Variants in FRY observed in about 807,000 individuals in gnomAD.
FRY encodes the protein FRY microtubule binding protein.
FRY carries 128 observed loss-of-function variants against 348.4 expected under a neutral mutation model. The ratio of observed to expected loss-of-function variants is 0.37; its 90% CI spans 0.32 to 0.43. FRY has a LOEUF of 0.43. Among genes scored for constraint, FRY ranks in the 20% least tolerant of loss-of-function variants. The pLI is 1.00. For synonymous variants in FRY, 1,370 were observed against 1,374.7 expected, an observed-to-expected ratio of 1.00 and a Z score of 0.08; for missense variants, 2,736 against 3,695.2, an observed-to-expected ratio of 0.74 and a Z score of 6.73.
chr13:32,112,246 CT>C (rs549832624), intron 3 of FRY, among the ~76,000 whole-genome samples: 54 of 147,204 alleles, frequency 3.7e-4, no homozygotes, highest in African/African-American at 7.0e-4. Context: ...CATTTTTTGT[CT>C]TTTTTTTTTA....
chr13:32,056,187 C>CT (rs1290769703), intron 1 of FRY, among the ~76,000 whole-genome samples: 2 of 64,852 alleles, frequency 3.1e-5, no homozygotes, highest in African/African-American at 6.8e-5. Context: ...GAGACTCCAT[C>CT]TAAAAAAAAA....
intron 1 of FRY, among the ~76,000 whole-genome samples, chr13:32,065,314 A>AT (rs1046574918): frequency 6.6e-6 from 1 of 151,482 alleles, no homozygotes; most frequent in Non-Finnish European, 1.5e-5. Flanking sequence ...TTAAAAAAAA[A>AT]TTTTTTTTTG....
At chr13:32,063,495 TCA>T (rs1874066466) in intron 1 of FRY, among the ~76,000 whole-genome samples, 1 of 152,170 alleles carries the variant, frequency 6.6e-6, no homozygotes, top group African/African-American at 2.4e-5. Flanking sequence ...GACCCAGAAC[TCA>T]CACACATACA....
At chr13:32,259,814 T>C (rs1366283658) in intron 51 of FRY, among the ~76,000 whole-genome samples, 1 of 152,178 alleles carries the variant, frequency 6.6e-6, no homozygotes, top group Non-Finnish European at 1.5e-5. Context: ...GCTGTGGCTA[T>C]TTTTAAAATC....
intron 1 of FRY, among the ~76,000 whole-genome samples, chr13:32,044,322 C>T (rs1355671946): frequency 1.3e-5 from 2 of 152,250 alleles, no homozygotes; most frequent in Middle Eastern, 3.4e-3. Flanking sequence ...TTTGAAAGGG[C>T]TTTATCACTG....
rs868211301 is a variant in FRY at position 32,097,969 on chromosome 13, A to T, written c.271-3994A>T. On this transcript the variant is annotated intron_variant, in intron 2 of 60. Coordinates refer to ENST00000542859, the MANE Select transcript of FRY (RefSeq NM_023037.3). ...TTTAAAAAAATTTAAAACTTAAAAC[A>T]AGACATATACACAGAAAATAAAGGG... 7.7e-5 allele frequency among the ~76,000 whole-genome samples: 8 copies of T among 103,780 alleles called. No homozygotes were observed. The South Asian group carries it at 1.9e-3, about 24-fold the overall frequency. The allele number at this position is 103,780 out of a possible 152,430, so 68.1% of individuals were successfully genotyped here. A position where few individuals can be genotyped will look rare whatever the true frequency, so the allele number is the denominator to read the frequency against.
At chr13:32,163,207 A>G (rs1430852216) in intron 17 of FRY, among the ~76,000 whole-genome samples, 1 of 152,242 alleles carries the variant, frequency 6.6e-6, no homozygotes, top group Non-Finnish European at 1.5e-5. Context: ...ATTTCCCCAG[A>G]GCACAGGTGG....
At chr13:32,072,507 T>G (rs766313248) in intron 1 of FRY, among the ~76,000 whole-genome samples, 1 of 152,204 alleles carries the variant, frequency 6.6e-6, no homozygotes, top group Non-Finnish European at 1.5e-5. Flanking sequence ...TGTTTGGTTG[T>G]TTCTTTTTCT....
Position 32,131,736 on chromosome 13 carries a change from C to G in FRY, c.781C>G (p.Pro261Ala). ...AGAATTACGGCACAAAGAGCAGAAC[C>G]CATATGTGGTTCAAAGCATTATCAG... is the stretch of plus-strand genomic sequence containing the variant. Reference protein sequence around the residue: ...LKELRHKEQNPYVVQSIISLI... With the variant: ...LKELRHKEQNAYVVQSIISLI... Residue 261 changes from proline to alanine, a missense_variant, in exon 8 of 61, where the codon CCA becomes GCA. Pro to Ala is a conservative substitution (Grantham distance 27, BLOSUM62 -1). Coordinates refer to ENST00000542859, the MANE Select transcript of FRY (RefSeq NM_023037.3). 1 of 1,613,490 alleles carries G rather than the reference C, an allele frequency of 6.2e-7. No individual in the cohort carries two copies. The highest frequency in any genetic ancestry group is 8.5e-7 in the Non-Finnish European group (1 of 1,179,442).
chr13:32,179,749 C>T lies in FRY; in HGVS notation c.2946C>T (p.Ile982=), dbSNP rs777873236. The T allele has an allele frequency of 1.1e-5, 18 of 1,613,362 alleles. No homozygotes were observed. The highest frequency in any genetic ancestry group is 1.4e-5 in the Non-Finnish European group (16 of 1,179,306). ...TGATGAGACTAGAGAGCATTGAGATCACAGAGTCCTTAGTTTTAGGATTTG... is the reference window on the plus strand; with the variant it reads ...TGATGAGACTAGAGAGCATTGAGATTACAGAGTCCTTAGTTTTAGGATTTG... ...VPLMRLESIE[I]TESLVLGFGR... is the part of the protein sequence containing the mutation. Residue 982 remains isoleucine, a synonymous_variant, in exon 23 of 61, where the codon ATC becomes ATT. Transcript: ENST00000542859.
intron 23 of FRY, among the ~76,000 whole-genome samples, chr13:32,180,334 A>C (rs776854250): frequency 4.6e-5 from 7 of 151,872 alleles, no homozygotes; most frequent in African/African-American, 9.7e-5. Flanking sequence ...TCCTGGATTC[A>C]AGCGATTCTC....
intron 54 of FRY, among the ~76,000 whole-genome samples, chr13:32,266,193 T>C (rs1887918658): frequency 6.6e-6 from 1 of 152,246 alleles, no homozygotes; most frequent in Non-Finnish European, 1.5e-5. Flanking sequence ...AAAATTACTC[T>C]TCTGAAAGTT....
chr13:32,275,052 C>T (rs964219986), intron 56 of FRY, 61 bp downstream of exon 56: 1 of 1,439,974 alleles, frequency 6.9e-7, no homozygotes, highest in Non-Finnish European at 9.8e-7. Flanking sequence ...TGCAGAACTT[C>T]AGGGTAGCAT....
At chr13:32,094,412 TCGCTATCATCA>T (rs1876548935) in intron 2 of FRY, among the ~76,000 whole-genome samples, 1 of 152,182 alleles carries the variant, frequency 6.6e-6, no homozygotes, top group Non-Finnish European at 1.5e-5. Flanking sequence ...AAATTATTAT[TCGCTATCATCA>T]CCCTGTTGTG....
intron 29 of FRY, among the ~76,000 whole-genome samples, chr13:32,198,626 T>A (rs1883827940): frequency 6.6e-6 from 1 of 152,156 alleles, no homozygotes; most frequent in Admixed American, 6.5e-5. Flanking sequence ...TTGTGAAGAT[T>A]AAATAACAAA....
chr13:32,169,643 C>T (rs1189880507), intron 17 of FRY, among the ~76,000 whole-genome samples: 3 of 152,222 alleles, frequency 2.0e-5, no homozygotes, highest in South Asian at 4.1e-4. Flanking sequence ...TGAGCTGCCT[C>T]TGCTTCCTCT....
intron 2 of FRY, among the ~76,000 whole-genome samples, chr13:32,093,536 T>A (rs1898419579): frequency 6.6e-6 from 1 of 152,232 alleles, no homozygotes; most frequent in Non-Finnish European, 1.5e-5. Flanking sequence ...TTCCTAAAAA[T>A]TGGAAATTAG....
chr13:32,105,164 T>C (rs146298368), intron 3 of FRY, among the ~76,000 whole-genome samples: 394 of 152,336 alleles, frequency 2.6e-3, no homozygotes, highest in African/African-American at 8.4e-3. Flanking sequence ...AATGTGATAG[T>C]ATCAAGAGGT....
At chr13:32,173,672 C>T in intron 19 of FRY, 123 bp downstream of exon 19, 1 of 776,408 alleles carries the variant, frequency 1.3e-6, no homozygotes, top group Non-Finnish European at 2.3e-6. Context: ...GTGTTTCATT[C>T]ATTGTTAGGT....
Sources: gnomAD v4.1 joint callset for allele counts (sites outside exome capture counted in the v4.1 genomes callset) on GRCh38, gnomAD v4.1.1 for gene constraint, MANE v1.5 for transcripts, NCBI Gene and HGNC (gene_info 2026-07-23, HGNC 2026-07-21) for gene names.